ADAMTSL3: variants seen among roughly 807,000 people sequenced by gnomAD.
ADAMTSL3 encodes ADAMTS-like protein 3.
ADAMTSL3 carries 128 observed loss-of-function variants against 201.7 expected under a neutral mutation model. The ratio of observed to expected loss-of-function variants is 0.63; its 90% CI spans 0.55 to 0.73. ADAMTSL3 has a LOEUF of 0.73. ADAMTSL3 is among the 30% of genes least tolerant of loss of function. The probability of loss-of-function intolerance (pLI) is 0.00; values close to 1 mark genes in which losing one functional copy is unlikely to be tolerated. For synonymous variants in ADAMTSL3, 738 were observed against 748.4 expected, an observed-to-expected ratio of 0.99 and a Z score of 0.23; for missense variants, 1,990 against 2,119.6, an observed-to-expected ratio of 0.94 and a Z score of 1.20.
intron 20 of ADAMTSL3, among the ~76,000 whole-genome samples, chr15:83,975,499 G>A (rs891992790): frequency 3.3e-5 from 5 of 152,060 alleles, no homozygotes; most frequent in African/African-American, 1.2e-4. Flanking sequence ...CTCTTGGGCT[G>A]GCGGCACTTC....
intron 17 of ADAMTSL3, among the ~76,000 whole-genome samples, chr15:83,930,921 A>C (rs988670973): frequency 9.9e-5 from 15 of 152,258 alleles, no homozygotes; most frequent in African/African-American, 3.4e-4. Flanking sequence ...ATATTACCCC[A>C]GGGTGAAACT....
chr15:83,986,172 G>C (rs866600200), intron 21 of ADAMTSL3, among the ~76,000 whole-genome samples: 3 of 152,192 alleles, frequency 2.0e-5, no homozygotes, highest in Middle Eastern at 3.4e-3. Context: ...GACTTCTGGG[G>C]GGTTCATGGA....
chr15:83,977,721 G>A (rs713467), intron 20 of ADAMTSL3, among the ~76,000 whole-genome samples: 66,801 of 152,060 alleles, frequency 0.44, 14,910 homozygotes, highest in East Asian at 0.57. Context: ...TCACTAGGGG[G>A]CCCTTGGTTG....
chr15:83,819,763 C>T, intron 5 of ADAMTSL3, 48 bp from the exon 6 acceptor site: 2 of 1,449,524 alleles, frequency 1.4e-6, no homozygotes, highest in Non-Finnish European at 1.9e-6. Flanking sequence ...CTTCTCTTGG[C>T]CTCTCTCACT....
rs2067178430 is a variant in ADAMTSL3 at position 83,970,569 on chromosome 15, G to A, written c.2576G>A (p.Ser859Asn). 1.2e-6 allele frequency: 2 copies of A among 1,614,106 alleles called. No individual in the cohort carries two copies. The highest frequency in any genetic ancestry group is 1.7e-6 in the Non-Finnish European group (2 of 1,180,032). Residue 859 changes from serine to asparagine, a missense_variant, in exon 20 of 30, where the codon AGT (serine) becomes AAT (asparagine). Coordinates refer to ENST00000286744, the MANE Select transcript of ADAMTSL3 (RefSeq NM_207517.3). ...LAAKGRRIPLSEMMCRDLPGL... is the reference protein window; with the variant it reads ...LAAKGRRIPLNEMMCRDLPGL... ...GCCAAAGGTCGGCGCATCCCCCTCAGTGAGATGATGTGCAGGGATCTACCA... is the reference window on the plus strand; with the variant it reads ...GCCAAAGGTCGGCGCATCCCCCTCAATGAGATGATGTGCAGGGATCTACCA...
intron 15 of ADAMTSL3, among the ~76,000 whole-genome samples, chr15:83,909,409 T>A (rs901932364): frequency 6.6e-6 from 1 of 152,188 alleles, no homozygotes; most frequent in Non-Finnish European, 1.5e-5. Context: ...TTTCAGTCAC[T>A]TTTTTCATAT....
At chr15:83,945,574 T>C (rs1215095652) in intron 19 of ADAMTSL3, among the ~76,000 whole-genome samples, 15 of 152,142 alleles carry the variant, frequency 9.9e-5, no homozygotes, top group Admixed American at 9.8e-4. Flanking sequence ...ATTTATTCCA[T>C]CACCCAGCTA....
intron 2 of ADAMTSL3, among the ~76,000 whole-genome samples, chr15:83,677,326 T>G (rs2061420670): frequency 6.6e-6 from 1 of 152,232 alleles, no homozygotes; most frequent in Admixed American, 6.5e-5. Flanking sequence ...TTCTATAATC[T>G]TGCTGATTTT....
At chr15:83,666,993 A>G (rs574325708) in intron 2 of ADAMTSL3, among the ~76,000 whole-genome samples, 18 of 152,044 alleles carry the variant, frequency 1.2e-4, no homozygotes, top group Non-Finnish European at 2.4e-4. Flanking sequence ...TAATTTTCCC[A>G]TTTTGTCATT....
At chr15:83,828,201 T>C (rs1336186889) in intron 6 of ADAMTSL3, among the ~76,000 whole-genome samples, 2 of 152,220 alleles carry the variant, frequency 1.3e-5, no homozygotes, top group East Asian at 1.9e-4. Context: ...TTTTATTTCG[T>C]TGAGCAGTGG....
intron 8 of ADAMTSL3, among the ~76,000 whole-genome samples, chr15:83,865,955 G>A (rs571387016): frequency 0.016 from 2,495 of 152,280 alleles, 77 homozygotes; most frequent in African/African-American, 0.056. Context: ...TGAAGGATAT[G>A]AACAGACACT....
chr15:83,681,562 G>T (rs1483925521), intron 2 of ADAMTSL3, among the ~76,000 whole-genome samples: 1 of 152,182 alleles, frequency 6.6e-6, no homozygotes, highest in Non-Finnish European at 1.5e-5. Flanking sequence ...GCAAATATTT[G>T]CCAGCCTAGA....
chr15:83,882,949 C>T (rs186145792), intron 9 of ADAMTSL3, among the ~76,000 whole-genome samples: 2 of 152,022 alleles, frequency 1.3e-5, no homozygotes, highest in Non-Finnish European at 2.9e-5. Context: ...AAATTCTAAG[C>T]AATTATATCA....
At chr15:83,704,352 G>A in intron 2 of ADAMTSL3, 37 bp from the exon 3 acceptor site, 1 of 1,613,920 alleles carries the variant, frequency 6.2e-7, no homozygotes, top group Non-Finnish European at 8.5e-7. Flanking sequence ...GGTCCTTACT[G>A]GAGCCTTATT....
chr15:84,002,347 C>G (rs957941821), intron 23 of ADAMTSL3, among the ~76,000 whole-genome samples: 1 of 152,190 alleles, frequency 6.6e-6, no homozygotes, highest in Non-Finnish European at 1.5e-5. Flanking sequence ...TGGTCCAGTC[C>G]TATTGTTAAC....
chr15:83,665,214 TGAGA>T, intron 2 of ADAMTSL3, among the ~76,000 whole-genome samples: 1 of 152,040 alleles, frequency 6.6e-6, no homozygotes, highest in African/African-American at 2.4e-5. Context: ...TACATGGGCT[TGAGA>T]GAGAGAGGGA....
intron 3 of ADAMTSL3, among the ~76,000 whole-genome samples, chr15:83,753,204 G>A (rs1025415507): frequency 2.6e-5 from 4 of 152,118 alleles, no homozygotes; most frequent in Admixed American, 6.5e-5. Flanking sequence ...ATCTACATGA[G>A]GCCATTATTA....
chr15:83,823,056 G>A (rs1221905242), intron 6 of ADAMTSL3, among the ~76,000 whole-genome samples: 8 of 151,890 alleles, frequency 5.3e-5, no homozygotes, highest in African/African-American at 1.9e-4. Context: ...CCAGTCAGGC[G>A]TGGCGGCGCG....
intron 2 of ADAMTSL3, among the ~76,000 whole-genome samples, chr15:83,660,302 C>T (rs560683167): frequency 2.0e-5 from 3 of 152,316 alleles, no homozygotes; most frequent in Admixed American, 6.5e-5. Context: ...CCCAGTTACC[C>T]CTGCTATTGC....
Sources: allele counts gnomAD v4.1 joint callset (sites outside exome capture counted in the v4.1 genomes callset), GRCh38; gene constraint gnomAD v4.1.1; transcripts MANE v1.5; gene names NCBI Gene and HGNC (gene_info 2026-07-23, HGNC 2026-07-21).